Variants in CANX observed in about 807,000 individuals in gnomAD.
CANX encodes the protein epididymis secretory sperm binding protein.
A neutral mutation model predicts 75.7 loss-of-function variants in CANX; 14 were observed. The ratio of observed to expected loss-of-function variants is 0.19; its 90% CI spans 0.12 to 0.29. The LOEUF is 0.29. Among genes scored for constraint, CANX ranks in the 10% least tolerant of loss-of-function variants. The pLI, the probability that CANX is intolerant of heterozygous loss-of-function variation, is 1.00. For missense variants in CANX, 567 were observed against 713.2 expected (o/e 0.79, Z 2.34); for synonymous variants, 227 against 236.9 (o/e 0.96, Z 0.38).
chr5:179,681,330 T>C (rs539358595), intron 1 of CANX, among the ~76,000 whole-genome samples: 65 of 152,200 alleles, frequency 4.3e-4, no homozygotes, highest in African/African-American at 1.5e-3. Context: ...AACAAGATAG[T>C]CTCTCAGGAA....
At chr5:179,695,352 G>A (rs533257842), upstream of CANX, among the ~76,000 whole-genome samples, 134 of 147,540 alleles carry the variant, frequency 9.1e-4, no homozygotes, top group African/African-American at 2.8e-3. Context: ...AGTTTGAGGC[G>A]GAGTTTCACT....
intron 8 of CANX, among the ~76,000 whole-genome samples, chr5:179,717,386 A>G (rs1428128598): frequency 6.6e-6 from 1 of 151,826 alleles, no homozygotes; most frequent in African/African-American, 2.4e-5. Flanking sequence ...TCCTCCCCCA[A>G]CTCCCAGCAA....
At chr5:179,714,220 C>G (rs903099948) in intron 7 of CANX, among the ~76,000 whole-genome samples, 1 of 152,278 alleles carries the variant, frequency 6.6e-6, no homozygotes, top group Admixed American at 6.5e-5. Flanking sequence ...AGGCTGGTCT[C>G]GAACTCCCAA....
intron 1 of CANX, among the ~76,000 whole-genome samples, chr5:179,687,086 TTTG>T (rs1253006681): frequency 6.7e-6 from 1 of 149,396 alleles, no homozygotes; most frequent in Non-Finnish European, 1.5e-5. Context: ...CTGCAGTTTT[TTTG>T]TTTGTTTGTT....
At chr5:179,725,787 A>AG (rs963421492) in intron 13 of CANX, among the ~76,000 whole-genome samples, 2 of 143,846 alleles carry the variant, frequency 1.4e-5, no homozygotes, top group Admixed American at 1.4e-4. Flanking sequence ...CAAGAGATCA[A>AG]GACCATCCTG....
intron 1 of CANX, among the ~76,000 whole-genome samples, chr5:179,686,573 T>TC (rs1203981679): frequency 6.6e-6 from 1 of 152,022 alleles, no homozygotes; most frequent in Non-Finnish European, 1.5e-5. Flanking sequence ...CTCCCCAGGC[T>TC]CCGGTGATCC....
At chr5:179,712,755 GCT>G (rs1777662242) in intron 7 of CANX, among the ~76,000 whole-genome samples, 1 of 150,310 alleles carries the variant, frequency 6.7e-6, no homozygotes, top group African/African-American at 2.5e-5. Context: ...GCGGAGTATT[GCT>G]CTGTCACCCA....
intron 8 of CANX, among the ~76,000 whole-genome samples, chr5:179,719,335 A>G (rs1778162788): frequency 1.3e-5 from 2 of 152,020 alleles, no homozygotes; most frequent in South Asian, 4.1e-4. Context: ...TTGATTTGCC[A>G]TTTCCCTGAT....
rs1778978190 is a variant in CANX at position 179,731,305 on chromosome 5, TATACTTA to T, written c.*2663_*2669del. ...CAGAATCAGACTCCATTATTTTACATATACTTAAATACTTTAGGGGTATTTTTGAAAG... is the reference window on the plus strand; with the variant it reads ...CAGAATCAGACTCCATTATTTTACATAATACTTTAGGGGTATTTTTGAAAG... On this transcript the variant is annotated 3_prime_UTR_variant, in exon 15 of 15. Transcript: ENST00000247461. 6.6e-6 allele frequency among the ~76,000 whole-genome samples: 1 copy of T among 152,252 alleles called. No individual in the cohort carries two copies. The highest frequency in any genetic ancestry group is 2.4e-5 in the African/African-American group (1 of 41,478).
upstream of CANX, among the ~76,000 whole-genome samples, chr5:179,696,847 T>G (rs147070073): frequency 6.6e-6 from 1 of 152,350 alleles, no homozygotes; most frequent in Non-Finnish European, 1.5e-5. Context: ...ATGCTGTGTT[T>G]TTACAAATTG....
chr5:179,728,384 A>G (rs1309580638), intron 14 of CANX, among the ~76,000 whole-genome samples: 1 of 152,220 alleles, frequency 6.6e-6, no homozygotes, highest in Non-Finnish European at 1.5e-5. Flanking sequence ...ATGTTTATAG[A>G]AAACAATAAA....
Position 179,723,014 on chromosome 5 carries a change from G to A in CANX, c.1393G>A (p.Ala465Thr). ...WGLKKAADGA[A>T]EPGVVGQMIE... is the part of the protein sequence containing the mutation. Reference sequence around the variant, plus strand: ...CCTGAAGAAAGCTGCTGATGGGGCTGCTGAGGTTCGTGTTTGCTGCTTGTG... The same window carrying A: ...CCTGAAGAAAGCTGCTGATGGGGCTACTGAGGTTCGTGTTTGCTGCTTGTG... The change falls in exon 11 of 15, where the codon GCT becomes ACT. Residue 465 changes from alanine (A) to threonine (T), a missense_variant. Ala to Thr is a moderately conservative substitution (Grantham distance 58). This residue lies in a region of CANX where 167 missense variants were observed against 179.3 expected (regional missense o/e 0.93). Coordinates refer to ENST00000247461, the MANE Select transcript of CANX (RefSeq NM_001746.4). The A allele has an allele frequency of 1.2e-6, 2 of 1,613,378 alleles. No individual in the cohort carries two copies. Among genetic ancestry groups the A allele is most frequent in the Non-Finnish European group, 1.7e-6 (2 of 1,179,312 alleles).
chr5:179,694,681 A>C (rs1581825070), upstream of CANX: 9 of 733,860 alleles, frequency 1.2e-5, no homozygotes, highest in East Asian at 2.2e-4. Context: ...GGGAAGTTTG[A>C]TGGCTCAAAG....
chr5:179,708,915 CA>C, intron 5 of CANX, 62 bp from the exon 6 acceptor site: 1 of 849,458 alleles, frequency 1.2e-6, no homozygotes, highest in Non-Finnish European at 2.1e-6. Context: ...AGAGGAAATA[CA>C]TTAAGAGAGT....
intron 7 of CANX, among the ~76,000 whole-genome samples, chr5:179,714,495 C>T (rs999879711): frequency 9.2e-5 from 14 of 151,846 alleles, no homozygotes; most frequent in South Asian, 2.1e-4. Context: ...CATGCTATAT[C>T]TAACTTTTTT....
intron 12 of CANX, among the ~76,000 whole-genome samples, chr5:179,723,996 T>G (rs1249018456): frequency 1.3e-5 from 2 of 152,138 alleles, no homozygotes. Flanking sequence ...TTGCTATTAT[T>G]ATTTATCCTA....
chr5:179,678,703 C>T, exon 1 of CANX: 3 of 1,536,944 alleles, frequency 2.0e-6, no homozygotes, highest in Non-Finnish European at 2.6e-6. Context: ...CGGGGTTGCG[C>T]TGCTTCTCCA....
rs1180207527 is a variant in CANX at position 179,711,359 on chromosome 5, CTG to C, written c.721+1296_721+1297del. ...ATTGCTTGAGCCCAGGAAGTCGAGA[CTG>C]TAGTGAGCCATGATCTTGCCACTGC... is the stretch of plus-strand genomic sequence containing the variant. On this transcript the variant is annotated intron_variant, in intron 7 of 14. Transcript: ENST00000247461. Among the ~76,000 whole-genome samples, 8 of 151,292 alleles carry C rather than the reference CTG, an allele frequency of 5.3e-5. No homozygotes were observed. In the South Asian group the frequency reaches 6.3e-4, roughly 12 times the overall value.
At chr5:179,704,966 G>A (rs984575992) in intron 1 of CANX, among the ~76,000 whole-genome samples, 3 of 152,036 alleles carry the variant, frequency 2.0e-5, no homozygotes, top group African/African-American at 7.3e-5. Flanking sequence ...TCCATATTAA[G>A]CCTTAATATG....
Sources: gnomAD v4.1 joint callset for allele counts (sites outside exome capture counted in the v4.1 genomes callset) on GRCh38, gnomAD v4.1.1 for gene constraint, gnomAD v4.1.1 regional missense constraint, MANE v1.5 for transcripts, NCBI Gene and HGNC (gene_info 2026-07-23, HGNC 2026-07-21) for gene names.